Variants in THSD7B observed in about 807,000 individuals in gnomAD.
THSD7B encodes the protein thrombospondin type 1 domain containing 7B.
In THSD7B, 138 loss-of-function variants were observed where a neutral mutation model predicts 213.6. That is an observed-to-expected ratio of 0.65 (90% CI 0.56 to 0.74). THSD7B has a LOEUF of 0.74. THSD7B is among the 30% of genes least tolerant of loss of function. The pLI is 0.00. For missense variants in THSD7B, 1,931 were observed against 1,991.5 expected, an observed-to-expected ratio of 0.97 and a Z score of 0.58; for synonymous variants, 742 against 687.0, an observed-to-expected ratio of 1.08 and a Z score of -1.25.
At chr2:137,553,730 A>G (rs561659852) in intron 15 of THSD7B, among the ~76,000 whole-genome samples, 3 of 152,228 alleles carry the variant, frequency 2.0e-5, no homozygotes, top group African/African-American at 7.2e-5. Flanking sequence ...TAACTTTCCC[A>G]TGGCTCATTT....
At chr2:136,834,674 C>G (rs17663449) in intron 1 of THSD7B, among the ~76,000 whole-genome samples, 21,061 of 151,876 alleles carry the variant, frequency 0.14, 2,180 homozygotes, top group Non-Finnish European at 0.22. Flanking sequence ...GCTTTGACTC[C>G]AGGATTTTTT....
At position 136,866,934 on chromosome 2, in the gene THSD7B, T is replaced by G. The variant is rs564910356; in HGVS notation, c.-35-15210T>G. Among the ~76,000 whole-genome samples, 216 of 113,166 alleles carry G rather than the reference T, an allele frequency of 1.9e-3. 2 individuals are homozygous for G. The highest frequency in any genetic ancestry group is 7.3e-3 in the African/African-American group (211 of 29,040). The allele number at this position is 113,166 out of a possible 152,430, so 74.2% of individuals were successfully genotyped here. A position where few individuals can be genotyped will look rare whatever the true frequency, so the allele number is the denominator to read the frequency against. ...ATGTGTTTGAGGTTGCTGGCTTTTC[T>G]AGCCCAGTTCTTTTTTTTTCATTAA... is the stretch of plus-strand genomic sequence containing the variant. On this transcript the variant is annotated intron_variant, in intron 1 of 27. Coordinates refer to ENST00000409968, the MANE Select transcript of THSD7B (RefSeq NM_001316349.2).
At chr2:137,466,059 A>G (rs967368692) in intron 15 of THSD7B, among the ~76,000 whole-genome samples, 9 of 152,282 alleles carry the variant, frequency 5.9e-5, no homozygotes, top group South Asian at 4.1e-4. Flanking sequence ...CTCATGCTAT[A>G]TAATTAAAAG....
chr2:136,767,058 G>T (rs1326195704), intron 1 of THSD7B, among the ~76,000 whole-genome samples: 1 of 152,024 alleles, frequency 6.6e-6, no homozygotes, highest in Admixed American at 6.6e-5. Context: ...GTAATCTTTG[G>T]ATGTCAAAGG....
At chr2:136,783,747 C>T (rs1349647265) in intron 1 of THSD7B, among the ~76,000 whole-genome samples, 5 of 152,148 alleles carry the variant, frequency 3.3e-5, no homozygotes. Context: ...GAATCAGCTC[C>T]CCTCCTCACA....
At chr2:137,072,698 G>A (rs1687522235) in intron 3 of THSD7B, among the ~76,000 whole-genome samples, 1 of 152,154 alleles carries the variant, frequency 6.6e-6, no homozygotes, top group African/African-American at 2.4e-5. Flanking sequence ...CAAAGGGAAT[G>A]CTTCCAGTTT....
intron 1 of THSD7B, among the ~76,000 whole-genome samples, chr2:136,803,546 C>A (rs1682227930): frequency 6.6e-6 from 1 of 152,018 alleles, no homozygotes. Flanking sequence ...TTTTACCTGG[C>A]AGTTTAATAG....
chr2:137,022,642 T>C (rs1461752917), intron 2 of THSD7B, among the ~76,000 whole-genome samples: 1 of 152,100 alleles, frequency 6.6e-6, no homozygotes, highest in Admixed American at 6.6e-5. Flanking sequence ...TTTTAACTTT[T>C]TTTTTTGATG....
At chr2:136,894,183 A>C (rs957363250) in intron 2 of THSD7B, among the ~76,000 whole-genome samples, 2 of 152,244 alleles carry the variant, frequency 1.3e-5, no homozygotes, top group African/African-American at 4.8e-5. Context: ...CAGGGTTAAT[A>C]ATTTTCTAAT....
At chr2:137,614,804 A>G (rs1465655598) in intron 17 of THSD7B, among the ~76,000 whole-genome samples, 1 of 152,166 alleles carries the variant, frequency 6.6e-6, no homozygotes, top group Admixed American at 6.5e-5. Context: ...TTACAATTAG[A>G]AGAAAAATTT....
intron 15 of THSD7B, among the ~76,000 whole-genome samples, chr2:137,546,600 G>A (rs1019269779): frequency 2.1e-5 from 3 of 139,632 alleles, no homozygotes; most frequent in Non-Finnish European, 4.6e-5. Context: ...TGGGGATACT[G>A]GGGTTTTTTT....
At chr2:137,164,779 G>A (rs544383612) in intron 6 of THSD7B, among the ~76,000 whole-genome samples, 29 of 152,134 alleles carry the variant, frequency 1.9e-4, no homozygotes, top group Non-Finnish European at 3.4e-4. Context: ...CTATCGCAAG[G>A]ACAAAAAACC....
At chr2:136,886,985 G>A (rs1432011014) in intron 2 of THSD7B, among the ~76,000 whole-genome samples, 1 of 152,126 alleles carries the variant, frequency 6.6e-6, no homozygotes, top group Non-Finnish European at 1.5e-5. Flanking sequence ...GAAATGAAGA[G>A]ATTAGCTTGA....
At chr2:137,411,939 T>TC in intron 14 of THSD7B, 67 bp downstream of exon 14, 3 of 1,554,392 alleles carry the variant, frequency 1.9e-6, no homozygotes, top group Non-Finnish European at 2.6e-6. Context: ...TTGTCTCAGG[T>TC]CTAGAATTAA....
intron 17 of THSD7B, among the ~76,000 whole-genome samples, chr2:137,602,803 G>A (rs1682100536): frequency 6.6e-6 from 1 of 152,138 alleles, no homozygotes; most frequent in Non-Finnish European, 1.5e-5. Flanking sequence ...TCTCAACACA[G>A]TTGCATTTGG....
chr2:136,998,102 CCTCA>C (rs1685926916), intron 2 of THSD7B, among the ~76,000 whole-genome samples: 1 of 152,044 alleles, frequency 6.6e-6, no homozygotes, highest in East Asian at 1.9e-4. Context: ...AAATCTGAAA[CCTCA>C]CTCAATGCCG....
At chr2:136,837,509 A>G (rs539150313) in intron 1 of THSD7B, among the ~76,000 whole-genome samples, 2 of 152,342 alleles carry the variant, frequency 1.3e-5, no homozygotes, top group South Asian at 4.1e-4. Context: ...ATTCAGAGTG[A>G]CTGCTCTGTC....
intron 2 of THSD7B, among the ~76,000 whole-genome samples, chr2:136,927,973 A>G (rs1684568660): frequency 6.6e-6 from 1 of 152,166 alleles, no homozygotes; most frequent in African/African-American, 2.4e-5. Context: ...GGAGAGGGAG[A>G]TAGGAGTTTA....
chr2:137,642,363 A>G, intron 20 of THSD7B, 125 bp from the exon 21 acceptor site: 1 of 1,193,268 alleles, frequency 8.4e-7, no homozygotes, highest in Non-Finnish European at 1.2e-6. Context: ...AAAAACTAAA[A>G]GTGAGATAGG....
Sources: allele counts gnomAD v4.1 joint callset (sites outside exome capture counted in the v4.1 genomes callset), GRCh38; gene constraint gnomAD v4.1.1; transcripts MANE v1.5; gene names NCBI Gene and HGNC (gene_info 2026-07-23, HGNC 2026-07-21).